The following SNTB1 variants were observed in gnomAD, a reference collection of about 807,000 sequenced individuals.
SNTB1 encodes syntrophin beta 1.
SNTB1 carries 36 observed loss-of-function variants against 48.9 expected under a neutral mutation model. The ratio of observed to expected loss-of-function variants is 0.74; its 90% CI spans 0.56 to 0.97. The LOEUF (loss-of-function observed/expected upper bound fraction) is 0.97. Among genes scored for constraint, SNTB1 ranks in the 50% least tolerant of loss-of-function variants. The pLI is 0.00. For synonymous variants in SNTB1, 299 were observed against 294.6 expected (o/e 1.01, Z -0.15); for missense variants, 786 against 703.4 (o/e 1.12, Z -1.33).
intron 1 of SNTB1, among the ~76,000 whole-genome samples, chr8:120,695,472 C>G (rs1461849756): frequency 6.6e-6 from 1 of 152,192 alleles, no homozygotes; most frequent in Non-Finnish European, 1.5e-5. Flanking sequence ...CCGCTAAGCT[C>G]AGGAGGCTGC....
chr8:120,698,413 G>T lies in SNTB1; in HGVS notation c.572-4505C>A, dbSNP rs1818245962. ...AGGAAGATATACTGAGGTTCTGGTA[G>T]TTTTTTTCATATCTATCCTGAGGGA... On this transcript the variant is annotated intron_variant, in intron 1 of 6. Transcript: ENST00000517992. Among the ~76,000 whole-genome samples, 3 of 152,228 alleles carry T rather than the reference G, an allele frequency of 2.0e-5. 1 individual carries two copies. In the South Asian group the frequency reaches 6.2e-4, roughly 32 times the overall value.
intron 1 of SNTB1, chr8:120,768,883 G>A (rs1819571205): frequency 6.6e-6 from 1 of 152,184 alleles, no homozygotes; most frequent in Non-Finnish European, 1.5e-5. Context: ...CTACTTCTTA[G>A]GAAAGGGCAA....
chr8:120,704,442 C>T (rs887672544), intron 1 of SNTB1, among the ~76,000 whole-genome samples: 14 of 148,300 alleles, frequency 9.4e-5, no homozygotes, highest in African/African-American at 2.6e-4. Context: ...TGCAAAAGAA[C>T]GAGACTTTGT....
intron 1 of SNTB1, among the ~76,000 whole-genome samples, chr8:120,725,006 C>T (rs1358730095): frequency 2.6e-5 from 4 of 152,202 alleles, no homozygotes. Context: ...ATTTTAGCTG[C>T]AGATGTGATG....
Position 120,811,929 on chromosome 8 carries a change from G to A in SNTB1, c.-86C>T. The A allele has an allele frequency of 1.6e-6, 2 of 1,284,578 alleles. No homozygotes were observed. The highest frequency in any genetic ancestry group is 2.0e-6 in the Non-Finnish European group (2 of 1,020,654). The allele number at this position is 1,284,578 out of a possible 1,614,324, so 79.6% of individuals were successfully genotyped here. On this transcript the variant is annotated 5_prime_UTR_variant, in exon 1 of 7. Coordinates refer to ENST00000517992, the MANE Select transcript of SNTB1 (RefSeq NM_021021.4). ...GCCGGGGGGAGGACGCGGGGCCCGG[G>A]GGAGCGAGGAGAGTGCGTCCCGCGG...
chr8:120,617,282 C>T (rs1816729401), intron 3 of SNTB1, among the ~76,000 whole-genome samples: 1 of 152,074 alleles, frequency 6.6e-6, no homozygotes, highest in South Asian at 2.1e-4. Context: ...TATAAAGCCC[C>T]AAGCAAATAT....
intron 1 of SNTB1, among the ~76,000 whole-genome samples, chr8:120,738,330 C>T (rs1818983205): frequency 6.6e-6 from 1 of 152,108 alleles, no homozygotes; most frequent in African/African-American, 2.4e-5. Context: ...TTTCCTAAGT[C>T]ATAATAATGT....
intron 2 of SNTB1, among the ~76,000 whole-genome samples, chr8:120,693,454 G>C (rs1287924989): frequency 6.6e-6 from 1 of 152,200 alleles, no homozygotes; most frequent in Admixed American, 6.5e-5. Flanking sequence ...TTAGGATGCT[G>C]ATTCCAGTTC....
At chr8:120,781,015 G>A (rs1179551286) in intron 1 of SNTB1, among the ~76,000 whole-genome samples, 3 of 152,114 alleles carry the variant, frequency 2.0e-5, no homozygotes, top group East Asian at 1.9e-4. Flanking sequence ...GCTATGCCCC[G>A]TGATCATCTA....
chr8:120,719,810 T>C (rs1205494987), intron 1 of SNTB1, among the ~76,000 whole-genome samples: 1 of 152,174 alleles, frequency 6.6e-6, no homozygotes, highest in Admixed American at 6.5e-5. Flanking sequence ...TCACTACACT[T>C]ACTCTCCCAG....
At chr8:120,657,740 T>C (rs543482105) in intron 2 of SNTB1, among the ~76,000 whole-genome samples, 7 of 152,300 alleles carry the variant, frequency 4.6e-5, no homozygotes, top group African/African-American at 1.4e-4. Context: ...GTGAGAAAAA[T>C]TCCTTTTCAT....
intron 3 of SNTB1, among the ~76,000 whole-genome samples, chr8:120,631,462 C>A (rs189483710): frequency 8.5e-5 from 13 of 152,162 alleles, no homozygotes; most frequent in Admixed American, 8.5e-4. Flanking sequence ...AGTATTATTT[C>A]GGGTGCCATT....
At position 120,811,277 on chromosome 8, in the gene SNTB1, C is replaced by T; in HGVS notation, c.567G>A (p.Leu189=). 6.3e-7 allele frequency: 1 copy of T among 1,596,998 alleles called. No homozygotes were observed. The highest frequency in any genetic ancestry group is 1.1e-5 in the South Asian group (1 of 90,028). Residue 189 remains leucine, a synonymous_variant, in exon 1 of 7, where the codon CTG becomes CTA. Coordinates refer to ENST00000517992, the MANE Select transcript of SNTB1 (RefSeq NM_021021.4). ...ALKRAGKEVL[L]EVKYMREATP... ...CGCGCGCTGTTAACCCCTTACCTTC[C>T]AGCAGCACTTCCTTGCCCGCGCGCT...
intron 3 of SNTB1, among the ~76,000 whole-genome samples, chr8:120,608,663 T>C (rs1485855526): frequency 6.6e-6 from 1 of 152,212 alleles, no homozygotes; most frequent in African/African-American, 2.4e-5. Flanking sequence ...ATGGCAGACT[T>C]AGCAAACTAA....
At chr8:120,679,859 A>ATT (rs33973623) in intron 2 of SNTB1, among the ~76,000 whole-genome samples, 12,290 of 149,728 alleles carry the variant, frequency 0.082, 1,661 homozygotes, top group African/African-American at 0.28. Context: ...CTCTTGAGAT[A>ATT]TTTTTTTTTT....
intron 2 of SNTB1, among the ~76,000 whole-genome samples, chr8:120,672,612 T>A (rs34887026): frequency 0.17 from 26,572 of 152,234 alleles, 2,915 homozygotes; most frequent in Non-Finnish European, 0.24. Flanking sequence ...GAACACATTT[T>A]TATCTCTAGT....
chr8:120,735,493 C>T lies in SNTB1; in HGVS notation c.572-41585G>A, dbSNP rs1227886004. 7.9e-5 allele frequency among the ~76,000 whole-genome samples: 12 copies of T among 152,216 alleles called. No homozygotes were observed. The South Asian group carries it at 1.5e-3, about 18-fold the overall frequency. On this transcript the variant is annotated intron_variant, in intron 1 of 6. Transcript: ENST00000517992. ...CTTTAAAGAGGTGATTAAGTTAAAACGAGGTCATTAGGGTGGTCCCTAATC... is the reference window on the plus strand; with the variant it reads ...CTTTAAAGAGGTGATTAAGTTAAAATGAGGTCATTAGGGTGGTCCCTAATC...
At chr8:120,699,653 C>A (rs770278953) in intron 1 of SNTB1, among the ~76,000 whole-genome samples, 6 of 152,144 alleles carry the variant, frequency 3.9e-5, no homozygotes, top group Non-Finnish European at 7.3e-5. Context: ...CCCAGGTATT[C>A]CTTTATAGCG....
At chr8:120,635,243 T>C (rs1224478719) in intron 2 of SNTB1, among the ~76,000 whole-genome samples, 6 of 152,178 alleles carry the variant, frequency 3.9e-5, no homozygotes, top group African/African-American at 2.4e-5. Flanking sequence ...AGAGTTTCCA[T>C]TCTCTCCCTA....
Sources: gnomAD v4.1 joint callset for allele counts (sites outside exome capture counted in the v4.1 genomes callset) on GRCh38, gnomAD v4.1.1 for gene constraint, MANE v1.5 for transcripts, NCBI Gene and HGNC (gene_info 2026-07-23, HGNC 2026-07-21) for gene names.